Variants in SCAPER observed in about 807,000 individuals in gnomAD.
SCAPER encodes the protein S phase cyclin A-associated protein in the endoplasmic reticulum.
In SCAPER, 98 loss-of-function variants were observed where a neutral mutation model predicts 182.2. The observed-to-expected ratio is 0.54, with a 90% CI of 0.46 to 0.64. The LOEUF (loss-of-function observed/expected upper bound fraction) is 0.64, where lower values mean the gene tolerates loss of function less well. Ranked by LOEUF, SCAPER falls within the 30% of genes least tolerant of loss-of-function variation. The pLI is 0.00. For missense variants in SCAPER, 1,432 were observed against 1,690.0 expected (o/e 0.85, Z 2.68); for synonymous variants, 605 against 564.6 (o/e 1.07, Z -1.01).
At chr15:76,504,264 C>T (rs183135803) in intron 24 of SCAPER, among the ~76,000 whole-genome samples, 20 of 152,210 alleles carry the variant, frequency 1.3e-4, no homozygotes, top group East Asian at 7.7e-4. Context: ...AAACTGCAGA[C>T]GTTACAACCC....
chr15:76,765,687 C>T, intron 11 of SCAPER, 49 bp from the exon 12 acceptor site: 1 of 1,407,886 alleles, frequency 7.1e-7, no homozygotes, highest in Non-Finnish European at 9.8e-7. Context: ...AACACAATTA[C>T]AACTTTAGAA....
At chr15:76,687,149 C>A (rs561895045) in intron 20 of SCAPER, among the ~76,000 whole-genome samples, 1 of 152,028 alleles carries the variant, frequency 6.6e-6, no homozygotes, top group African/African-American at 2.4e-5. Context: ...GAAGAAATAA[C>A]AATAATAGCA....
rs190652965 is a variant in SCAPER, at chr15:76,513,226, T to C, written c.2839-8252A>G. ...ATAGATTAGTGATGGAACAAAAGAA[T>C]GAACAAGTGAAAGGACTTATTTCAG... On this transcript the variant is annotated intron_variant, in intron 23 of 31. Coordinates refer to ENST00000563290, the MANE Select transcript of SCAPER (RefSeq NM_020843.4). Among the ~76,000 whole-genome samples, 156 of 152,270 alleles carry C rather than the reference T, an allele frequency of 1.0e-3. 3 individuals carry two copies. The highest frequency in any genetic ancestry group is 3.7e-3 in the African/African-American group (153 of 41,538).
intron 23 of SCAPER, among the ~76,000 whole-genome samples, chr15:76,538,461 C>T (rs76578274): frequency 3.1e-4 from 47 of 149,730 alleles, no homozygotes; most frequent in Non-Finnish European, 4.3e-4. Context: ...TAAACTATCG[C>T]AAGGACAAAA....
At chr15:76,584,866 G>T (rs1297334025) in intron 22 of SCAPER, among the ~76,000 whole-genome samples, 1 of 152,006 alleles carries the variant, frequency 6.6e-6, no homozygotes. Flanking sequence ...ATTTAAATAA[G>T]AAAGTTCTAT....
intron 3 of SCAPER, among the ~76,000 whole-genome samples, chr15:76,859,616 T>C (rs2071703444): frequency 2.0e-5 from 3 of 152,246 alleles, no homozygotes; most frequent in Admixed American, 6.5e-5. Flanking sequence ...GTTTTAACAA[T>C]ATAAAATAAT....
At chr15:76,817,175 C>G (rs1217256486) in intron 5 of SCAPER, among the ~76,000 whole-genome samples, 1 of 152,162 alleles carries the variant, frequency 6.6e-6, no homozygotes. Flanking sequence ...CATTGTAGGT[C>G]AGCTGTTGAT....
At chr15:76,756,180 G>A (rs539781288) in intron 14 of SCAPER, among the ~76,000 whole-genome samples, 29 of 145,076 alleles carry the variant, frequency 2.0e-4, no homozygotes, top group Non-Finnish European at 3.3e-4. Context: ...GGAGGTGGAG[G>A]CTGCAGTGAG....
At chr15:76,353,904 A>G in intron 30 of SCAPER, 45 bp downstream of exon 30, 1 of 1,438,974 alleles carries the variant, frequency 6.9e-7, no homozygotes. Context: ...CTGTCGCATT[A>G]GTTTACACAC....
chr15:76,549,410 G>A (rs1026654149), intron 23 of SCAPER, among the ~76,000 whole-genome samples: 1 of 152,124 alleles, frequency 6.6e-6, no homozygotes, highest in African/African-American at 2.4e-5. Context: ...TATACACCAT[G>A]GAATACTATG....
intron 16 of SCAPER, among the ~76,000 whole-genome samples, chr15:76,730,808 AT>A (rs560346717): frequency 6.8e-4 from 103 of 152,310 alleles, no homozygotes; most frequent in Non-Finnish European, 9.3e-4. Flanking sequence ...TTATGTAAAA[AT>A]AATTACTGCA....
chr15:76,761,322 A>G (rs2062775869), intron 14 of SCAPER, among the ~76,000 whole-genome samples: 1 of 151,680 alleles, frequency 6.6e-6, no homozygotes, highest in African/African-American at 2.4e-5. Context: ...TCTCTTTTGC[A>G]TTTCAATTAT....
intron 23 of SCAPER, chr15:76,567,423 T>C (rs1458682394): frequency 2.4e-6 from 1 of 420,832 alleles, no homozygotes; most frequent in Non-Finnish European, 4.8e-6. Context: ...TGAAATATGA[T>C]ACACATGTCT....
At chr15:76,904,370 TC>T (rs2074952394) in intron 1 of SCAPER, among the ~76,000 whole-genome samples, 1 of 152,188 alleles carries the variant, frequency 6.6e-6, no homozygotes, top group Admixed American at 6.5e-5. Flanking sequence ...AAACTATAAT[TC>T]ATATAAGGAA....
intron 21 of SCAPER, among the ~76,000 whole-genome samples, chr15:76,626,818 G>A (rs1252127620): frequency 6.6e-6 from 1 of 152,216 alleles, no homozygotes; most frequent in Non-Finnish European, 1.5e-5. Flanking sequence ...AATGGAATGT[G>A]TACGCTCTTA....
At chr15:76,683,116 T>C (rs1322945756) in intron 20 of SCAPER, among the ~76,000 whole-genome samples, 1 of 152,034 alleles carries the variant, frequency 6.6e-6, no homozygotes. Flanking sequence ...ATTGTGGAGA[T>C]TCAGGAGGCA....
chr15:76,872,732 T>C (rs2072815578), intron 2 of SCAPER, among the ~76,000 whole-genome samples: 2 of 151,548 alleles, frequency 1.3e-5, no homozygotes, highest in Non-Finnish European at 2.9e-5. Context: ...TAGGTTTGCA[T>C]GCAAATGAAG....
At chr15:76,395,755 G>C (rs902941975) in intron 27 of SCAPER, among the ~76,000 whole-genome samples, 2 of 152,054 alleles carry the variant, frequency 1.3e-5, no homozygotes, top group African/African-American at 4.8e-5. Context: ...TTAATCCCTT[G>C]TCAGATGGGT....
intron 6 of SCAPER, 97 bp from the exon 7 acceptor site, chr15:76,800,461 T>C: frequency 1.3e-6 from 1 of 773,454 alleles, no homozygotes; most frequent in Non-Finnish European, 2.2e-6. Flanking sequence ...AAAATAATCC[T>C]ACTTTTCAAC....
Sources: gnomAD v4.1 joint callset for allele counts (sites outside exome capture counted in the v4.1 genomes callset) on GRCh38, gnomAD v4.1.1 for gene constraint, MANE v1.5 for transcripts, NCBI Gene and HGNC (gene_info 2026-07-23, HGNC 2026-07-21) for gene names.